Variants in LSM4 observed in about 807,000 individuals in gnomAD.
LSM4 encodes LSM4 homolog, U6 small nuclear RNA and mRNA degradation associated.
Under a neutral mutation model 22.3 loss-of-function variants are expected in LSM4, and 15 were observed. The ratio of observed to expected loss-of-function variants is 0.67; its 90% CI spans 0.45 to 1.03. The LOEUF (loss-of-function observed/expected upper bound fraction) is 1.03. Ranked by LOEUF, LSM4 falls within the 50% of genes least tolerant of loss-of-function variation. The probability of loss-of-function intolerance (pLI) is 0.00; values close to 1 mark genes in which losing one functional copy is unlikely to be tolerated. For missense variants in LSM4, 127 were observed against 198.0 expected (o/e 0.64, Z 2.15); for synonymous variants, 90 against 79.8 (o/e 1.13, Z -0.68).
intron 3 of LSM4, among the ~76,000 whole-genome samples, chr19:18,311,755 CCCCGCCCAG>C (rs1970301257): frequency 6.6e-6 from 1 of 152,186 alleles, no homozygotes; most frequent in South Asian, 2.1e-4. Context: ...CCTGTCCCCA[CCCCGCCCAG>C]CCCTGTGCTG....
chr19:18,316,131 T>A (rs746223367), intron 1 of LSM4, 66 bp from the exon 2 acceptor site: 7 of 1,513,554 alleles, frequency 4.6e-6, no homozygotes, highest in South Asian at 1.1e-5. Flanking sequence ...TGGTCTTGAG[T>A]CCCACCCATG....
At chr19:18,317,454 T>A (rs185192321) in intron 1 of LSM4, among the ~76,000 whole-genome samples, 1 of 151,616 alleles carries the variant, frequency 6.6e-6, no homozygotes, top group African/African-American at 2.4e-5. Context: ...TGCCTCAGCC[T>A]CCCGAGTAGC....
intron 4 of LSM4, 102 bp downstream of exon 4, chr19:18,309,576 G>A (rs773227277): frequency 2.3e-6 from 3 of 1,293,560 alleles, no homozygotes; most frequent in Non-Finnish European, 2.1e-6. Flanking sequence ...GGAGGGTTGG[G>A]AGGCTCCGAG....
intron 2 of LSM4, among the ~76,000 whole-genome samples, chr19:18,314,536 G>T (rs567285249): frequency 1.9e-4 from 29 of 151,992 alleles, no homozygotes; most frequent in African/African-American, 6.7e-4. Flanking sequence ...AAAGTGGTAA[G>T]TATCCGCTCC....
intron 2 of LSM4, among the ~76,000 whole-genome samples, 196 bp downstream of exon 2, chr19:18,315,828 A>G (rs1970348700): frequency 6.6e-6 from 1 of 151,938 alleles, no homozygotes; most frequent in African/African-American, 2.4e-5. Flanking sequence ...GGCCCATTAA[A>G]TTTTTAGTAA....
chr19:18,322,063 G>A, intron 1 of LSM4, among the ~76,000 whole-genome samples: 1 of 152,186 alleles, frequency 6.6e-6, no homozygotes, highest in East Asian at 1.9e-4. Context: ...ATCTGTCTAG[G>A]AAGACAGGCA....
chr19:18,316,169 G>C lies in LSM4; in HGVS notation c.4-104C>G, dbSNP rs745445451. 22 of 1,030,170 alleles carry C rather than the reference G, an allele frequency of 2.1e-5. No homozygotes were observed. The African/African-American group carries it at 3.3e-4, about 16-fold the overall frequency. The allele number at this position is 1,030,170 out of a possible 1,614,324, so 63.8% of individuals were successfully genotyped here. A position where few individuals can be genotyped will look rare whatever the true frequency, so the allele number is the denominator to read the frequency against. ...TCATAGATGGTGCGGTGCGGTTGAG[G>C]GGGCACAGGAGTGCGTGTCAATCAC... On this transcript the variant is annotated intron_variant, in intron 1 of 4. Coordinates refer to ENST00000593829, the MANE Select transcript of LSM4 (RefSeq NM_012321.5).
intron 3 of LSM4, among the ~76,000 whole-genome samples, chr19:18,310,678 C>T (rs1175034306): frequency 1.3e-5 from 2 of 152,196 alleles, no homozygotes; most frequent in East Asian, 3.9e-4. Flanking sequence ...CCACGCACGA[C>T]GCCTGGATGG....
intron 1 of LSM4, among the ~76,000 whole-genome samples, chr19:18,316,813 A>T (rs1970362235): frequency 6.6e-6 from 1 of 152,162 alleles, no homozygotes; most frequent in Non-Finnish European, 1.5e-5. Flanking sequence ...GTCTGTCTGA[A>T]GCAAGCACAA....
At position 18,306,813 on chromosome 19, in the gene LSM4, C is replaced by T. The variant is rs1970228294; in HGVS notation, c.*651G>A. The T allele has an allele frequency of 6.6e-6, 1 of 152,282 alleles. No individual in the cohort carries two copies. The highest frequency in any genetic ancestry group is 2.1e-4 in the South Asian group (1 of 4,836). 9.4% of individuals were successfully genotyped at this position (152,282 alleles called of 1,614,324 possible). ...GGTGAGAACTCTCAAAAGGAAGCTT[C>T]CCTTACGGGAACGGGGATTTCCTGA... is the stretch of plus-strand genomic sequence containing the variant. On this transcript the variant is annotated 3_prime_UTR_variant, in exon 5 of 5. Coordinates refer to ENST00000593829, the MANE Select transcript of LSM4 (RefSeq NM_012321.5).
chr19:18,314,356 T>TA (rs899709164), intron 2 of LSM4, among the ~76,000 whole-genome samples: 31 of 146,160 alleles, frequency 2.1e-4, no homozygotes, highest in Non-Finnish European at 4.1e-4. Context: ...CCGTCTCTAC[T>TA]AAAAAAAAAA....
At chr19:18,312,336 G>A (rs544071302) in intron 3 of LSM4, 1 of 414,426 alleles carries the variant, frequency 2.4e-6, no homozygotes, top group East Asian at 4.9e-5. Context: ...GAGCCACAGG[G>A]AGTCCCCAGT....
intron 2 of LSM4, 81 bp from the exon 3 acceptor site, chr19:18,312,783 T>G (rs1970312900): frequency 9.5e-7 from 1 of 1,056,390 alleles, no homozygotes; most frequent in Non-Finnish European, 1.5e-6. Flanking sequence ...AGCTCTGCCC[T>G]GAGATGGACC....
At chr19:18,317,613 C>T (rs1970371726) in intron 1 of LSM4, among the ~76,000 whole-genome samples, 1 of 152,050 alleles carries the variant, frequency 6.6e-6, no homozygotes, top group African/African-American at 2.4e-5. Context: ...TCTCAAAGTG[C>T]TGGGATTACA....
At chr19:18,310,007 G>T in intron 3 of LSM4, 146 bp from the exon 4 acceptor site, 1 of 722,566 alleles carries the variant, frequency 1.4e-6, no homozygotes, top group Non-Finnish European at 2.2e-6. Context: ...GACATACGTG[G>T]CAAAGGGTCC....
intron 3 of LSM4, among the ~76,000 whole-genome samples, chr19:18,311,734 C>A (rs1402797112): frequency 2.6e-5 from 4 of 152,186 alleles, no homozygotes; most frequent in African/African-American, 9.6e-5. Context: ...TGCTGCACAG[C>A]AGCCTCACCA....
chr19:18,313,302 T>G (rs1273022501), intron 2 of LSM4, among the ~76,000 whole-genome samples: 1 of 151,998 alleles, frequency 6.6e-6, no homozygotes, highest in Non-Finnish European at 1.5e-5. Context: ...GAGACAATGG[T>G]GATGGTGGCC....
chr19:18,312,356 T>C (rs1335034133), intron 3 of LSM4: 2 of 468,658 alleles, frequency 4.3e-6, no homozygotes, highest in African/African-American at 2.0e-5. Flanking sequence ...TCCTAGGTCC[T>C]TCCAGGTCAG....
In LSM4 at chr19:18,307,438, GC is replaced by G. The variant is rs1568296285; in HGVS notation, c.*25del. 6.7e-7 allele frequency: 1 copy of G among 1,491,944 alleles called. No homozygotes were observed. The highest frequency in any genetic ancestry group is 1.4e-5 in the African/African-American group (1 of 70,866). The allele number at this position is 1,491,944 out of a possible 1,614,324, so 92.4% of individuals were successfully genotyped here. A position where few individuals can be genotyped will look rare whatever the true frequency, so the allele number is the denominator to read the frequency against. ...GGAATCGCCACCCTGGCAGGAGGGG[GC>G]GCAGCAGCCGGTCTGGGTGGGCGCT... On this transcript the variant is annotated 3_prime_UTR_variant, in exon 5 of 5. Transcript: ENST00000593829.
Sources: allele counts gnomAD v4.1 joint callset (sites outside exome capture counted in the v4.1 genomes callset), GRCh38; gene constraint gnomAD v4.1.1; transcripts MANE v1.5; gene names NCBI Gene and HGNC (gene_info 2026-07-23, HGNC 2026-07-21).